AKAP7: variants seen among roughly 807,000 people sequenced by gnomAD.
AKAP7 encodes the protein A kinase (PRKA) anchor protein 7.
Under a neutral mutation model 39.5 loss-of-function variants are expected in AKAP7, and 39 were observed. The ratio of observed to expected loss-of-function variants is 0.99; its 90% CI spans 0.76 to 1.29. AKAP7 has a LOEUF of 1.29. Ranked by LOEUF, AKAP7 falls within the 50% of genes most tolerant of loss-of-function variation. The probability of loss-of-function intolerance (pLI) is 0.00; values close to 1 mark genes in which losing one functional copy is unlikely to be tolerated. For synonymous variants in AKAP7, 140 were observed against 139.1 expected (o/e 1.01, Z -0.05); for missense variants, 414 against 407.7 (o/e 1.02, Z -0.13).
chr6:131,128,758 G>T, the AKAP7 span, among the ~76,000 whole-genome samples: 4 of 148,950 alleles, frequency 2.7e-5, no homozygotes, highest in African/African-American at 1.0e-4. Context: ...GGAGATGGAG[G>T]TTGCAGTGAG....
intron 1 of AKAP7, among the ~76,000 whole-genome samples, 190 bp downstream of exon 1, chr6:131,135,972 G>T (rs1314510833): frequency 6.6e-6 from 1 of 152,144 alleles, no homozygotes; most frequent in Non-Finnish European, 1.5e-5. Flanking sequence ...AGTGCTGCCT[G>T]TAGCGAAGCG....
intron 5 of AKAP7, among the ~76,000 whole-genome samples, chr6:131,180,329 G>C (rs1805043870): frequency 6.6e-6 from 1 of 152,124 alleles, no homozygotes; most frequent in Non-Finnish European, 1.5e-5. Context: ...CTGTGCTTCT[G>C]TGTTTTCAAC....
chr6:131,134,805 C>T (rs1800415932), upstream of AKAP7, among the ~76,000 whole-genome samples: 1 of 152,198 alleles, frequency 6.6e-6, no homozygotes. Context: ...TTATTATTCA[C>T]GAAAGGCGCT....
At chr6:131,147,094 G>T (rs985354265) in intron 2 of AKAP7, among the ~76,000 whole-genome samples, 1 of 152,192 alleles carries the variant, frequency 6.6e-6, no homozygotes, top group African/African-American at 2.4e-5. Flanking sequence ...AAGAGTAGAG[G>T]CTTGGAGGAT....
chr6:131,268,013 G>C (rs192718807), intron 7 of AKAP7, among the ~76,000 whole-genome samples: 2 of 152,148 alleles, frequency 1.3e-5, no homozygotes, highest in Non-Finnish European at 2.9e-5. Context: ...GGAAGGAAGG[G>C]AAGAAGGGAG....
intron 3 of AKAP7, among the ~76,000 whole-genome samples, chr6:131,161,164 A>G (rs1017302557): frequency 1.3e-5 from 2 of 152,252 alleles, no homozygotes; most frequent in African/African-American, 4.8e-5. Context: ...AAAAGAAAAA[A>G]TAAATTATTT....
chr6:131,282,004 T>C lies in AKAP7; in HGVS notation c.*278T>C. The C allele has an allele frequency of 8.6e-7, 1 of 1,167,616 alleles. No individual in the cohort carries two copies. Among genetic ancestry groups the C allele is most frequent in the East Asian group, 4.1e-5 (1 of 24,268 alleles). The allele number at this position is 1,167,616 out of a possible 1,614,324, so 72.3% of individuals were successfully genotyped here. ...GCACAAGGGAAAGGGAACTTTGGGT[T>C]ATGCCTCCTGGACGCAAATTAAAGG... On this transcript the variant is annotated 3_prime_UTR_variant, in exon 8 of 8. Transcript: ENST00000431975.
chr6:131,219,660 G>A lies in AKAP7; in HGVS notation c.703-1G>A. On this transcript the variant is annotated splice_acceptor_variant, in intron 6 of 7. Coordinates refer to ENST00000431975, the MANE Select transcript of AKAP7 (RefSeq NM_016377.4). LOFTEE classifies it high-confidence loss of function. ...TGATTGATTTGTTTTTTCATTTCAA[G>A]GGAGTGAAAAAAATAGATCCTGATT... 2 of 1,591,116 alleles carry A rather than the reference G, an allele frequency of 1.3e-6. No individual in the cohort carries two copies. Among genetic ancestry groups the A allele is most frequent in the South Asian group, 2.3e-5 (2 of 86,814 alleles).
In AKAP7 at chr6:131,282,916, C is replaced by T. The variant is rs2128342515; in HGVS notation, c.*1190C>T. 4.4e-6 allele frequency: 1 copy of T among 224,902 alleles called. No individual in the cohort carries two copies. The highest frequency in any genetic ancestry group is 8.8e-6 in the Non-Finnish European group (1 of 114,020). The allele number at this position is 224,902 out of a possible 1,614,324, so 13.9% of individuals were successfully genotyped here. ...ACATACAGACTGTGAACAAATCATT[C>T]ACAAACAGAATAAAACAGAGCCAAC... On this transcript the variant is annotated 3_prime_UTR_variant, in exon 8 of 8. Transcript: ENST00000431975.
At chr6:131,158,811 A>T (rs1802658697) in intron 2 of AKAP7, among the ~76,000 whole-genome samples, 1 of 151,910 alleles carries the variant, frequency 6.6e-6, no homozygotes. Context: ...CCTGCAGGGG[A>T]ACTGTATTTT....
chr6:131,277,856 G>T (rs1224366763), intron 7 of AKAP7, among the ~76,000 whole-genome samples: 1 of 152,084 alleles, frequency 6.6e-6, no homozygotes, highest in South Asian at 2.1e-4. Context: ...TGTTTTGATT[G>T]GTTGGTTGGT....
At chr6:131,241,627 G>GTGTGTGTGTGTATATACGTA in intron 7 of AKAP7, among the ~76,000 whole-genome samples, 1 of 86,638 alleles carries the variant, frequency 1.2e-5, no homozygotes, top group African/African-American at 5.0e-5. Flanking sequence ...GTGTGTGTGT[G>GTGTGTGTGTGTATATACGTA]TATATATATA....
chr6:131,148,623 A>C lies in AKAP7; in HGVS notation c.151+3207A>C, dbSNP rs141880188. The stretch of plus-strand genomic sequence containing the variant: ...TTATTTGGGGACAACTTACTCTCTC[A>C]GTTTTATAATAGCATTTACTAAAAC... On this transcript the variant is annotated intron_variant, in intron 2 of 7. Coordinates refer to ENST00000431975, the MANE Select transcript of AKAP7 (RefSeq NM_016377.4). 4.4e-3 allele frequency among the ~76,000 whole-genome samples: 671 copies of C among 152,310 alleles called. 3 individuals are homozygous for C. The highest frequency in any genetic ancestry group is 0.016 in the African/African-American group (649 of 41,566).
intron 3 of AKAP7, among the ~76,000 whole-genome samples, 164 bp from the exon 4 acceptor site, chr6:131,164,913 CTGTT>C (rs1190707904): frequency 6.6e-6 from 1 of 152,200 alleles, no homozygotes; most frequent in South Asian, 2.1e-4. Flanking sequence ...AGTCAACTAT[CTGTT>C]TGAGAACAAG....
At chr6:131,136,765 T>C in intron 1 of AKAP7, 3 of 759,356 alleles carry the variant, frequency 4.0e-6, no homozygotes, top group African/African-American at 1.9e-5. Context: ...TTTTGTTCCC[T>C]TTTTATGAGG....
intron 4 of AKAP7, 130 bp from the exon 5 acceptor site, chr6:131,168,983 A>C: frequency 1.3e-6 from 1 of 788,484 alleles, no homozygotes; most frequent in Non-Finnish European, 1.9e-6. Flanking sequence ...TTTAGAAGGT[A>C]TTTTGAGCCT....
intron 1 of AKAP7, among the ~76,000 whole-genome samples, 151 bp downstream of exon 1, chr6:131,135,933 A>G (rs925483264): frequency 2.6e-5 from 4 of 152,156 alleles, no homozygotes; most frequent in African/African-American, 4.8e-5. Context: ...GGTAGCACCG[A>G]GAAGCCCGGT....
chr6:131,271,359 T>C (rs1814257140), intron 7 of AKAP7, among the ~76,000 whole-genome samples: 1 of 152,184 alleles, frequency 6.6e-6, no homozygotes, highest in African/African-American at 2.4e-5. Context: ...TAATTGGCCA[T>C]ACGTGTGTGA....
intron 7 of AKAP7, among the ~76,000 whole-genome samples, chr6:131,252,455 C>G (rs1213149582): frequency 6.6e-6 from 1 of 152,168 alleles, no homozygotes; most frequent in African/African-American, 2.4e-5. Context: ...TCTTCCTAAT[C>G]TGCTTCATAC....
Sources: allele counts gnomAD v4.1 joint callset (sites outside exome capture counted in the v4.1 genomes callset), GRCh38; gene constraint gnomAD v4.1.1; transcripts MANE v1.5; gene names NCBI Gene and HGNC (gene_info 2026-07-23, HGNC 2026-07-21).